STIL: variants seen among roughly 807,000 people sequenced by gnomAD.
STIL encodes the protein SCL-interrupting locus protein.
A neutral mutation model predicts 110.1 loss-of-function variants in STIL; 55 were observed. The observed-to-expected ratio is 0.50, with a 90% CI of 0.40 to 0.63. The LOEUF (loss-of-function observed/expected upper bound fraction) is 0.63, where lower values mean the gene tolerates loss of function less well. Among genes scored for constraint, STIL ranks in the 20% least tolerant of loss-of-function variants. The probability of loss-of-function intolerance (pLI) is 0.00; values close to 1 mark genes in which losing one functional copy is unlikely to be tolerated. For missense variants in STIL, 1,358 were observed against 1,530.0 expected, an observed-to-expected ratio of 0.89 and a Z score of 1.87; for synonymous variants, 481 against 530.0, an observed-to-expected ratio of 0.91 and a Z score of 1.27.
chr1:47,313,545 C>T (rs561065863), intron 1 of STIL, among the ~76,000 whole-genome samples: 1 of 151,998 alleles, frequency 6.6e-6, no homozygotes, highest in Admixed American at 6.6e-5. Flanking sequence ...AAACCCCCGC[C>T]ATCCCTCACA....
intron 12 of STIL, among the ~76,000 whole-genome samples, chr1:47,279,418 T>C (rs1056354487): frequency 4.6e-5 from 7 of 151,600 alleles, no homozygotes; most frequent in African/African-American, 1.5e-4. Flanking sequence ...AGGAACACTG[T>C]TTTGGGGTAG....
chr1:47,251,105 C>T lies in STIL; in HGVS notation c.*31G>A. 1 of 1,603,346 alleles carries T rather than the reference C, an allele frequency of 6.2e-7. No homozygotes were observed. Among genetic ancestry groups the T allele is most frequent in the South Asian group, 1.1e-5 (1 of 89,966 alleles). ...TAAGTATCTTCAGGAGACACCCTGT[C>T]CCTGTATTAAAAGGGCAGGGAGTTA... On this transcript the variant is annotated 3_prime_UTR_variant, in exon 17 of 17. Coordinates refer to ENST00000371877, the MANE Select transcript of STIL (RefSeq NM_001048166.1).
chr1:47,302,552 G>T (rs1417126129), intron 3 of STIL, among the ~76,000 whole-genome samples: 1 of 152,202 alleles, frequency 6.6e-6, no homozygotes, highest in Non-Finnish European at 1.5e-5. Flanking sequence ...AACTATAGTT[G>T]TTCTCCAGGC....
At chr1:47,302,538 C>T (rs1339301886) in intron 3 of STIL, among the ~76,000 whole-genome samples, 192 bp from the exon 4 acceptor site, 1 of 152,202 alleles carries the variant, frequency 6.6e-6, no homozygotes, top group Non-Finnish European at 1.5e-5. Flanking sequence ...TAAACAGACA[C>T]TGAAACTATA....
chr1:47,282,985 A>G (rs1645193130), intron 10 of STIL: 1 of 153,282 alleles, frequency 6.5e-6, no homozygotes, highest in Non-Finnish European at 1.5e-5. Context: ...ATGCCCAGCA[A>G]AACAGAAAAT....
chr1:47,305,027 C>T (rs899155270), intron 2 of STIL, 31 bp from the exon 3 acceptor site: 2 of 1,492,016 alleles, frequency 1.3e-6, no homozygotes, highest in African/African-American at 2.8e-5. Context: ...AATTAAAGCA[C>T]AAGGAATAGC....
chr1:47,255,785 A>G (rs1434918385), intron 16 of STIL, among the ~76,000 whole-genome samples: 1 of 152,172 alleles, frequency 6.6e-6, no homozygotes, highest in Non-Finnish European at 1.5e-5. Flanking sequence ...TTTCCTGCAC[A>G]ATTTCTAGGT....
chr1:47,260,442 T>C lies in STIL; in HGVS notation c.2927A>G (p.Asn976Ser). The C allele has an allele frequency of 6.2e-7, 1 of 1,614,164 alleles. No individual in the cohort carries two copies. Among genetic ancestry groups the C allele is most frequent in the South Asian group, 1.1e-5 (1 of 91,084 alleles). Residue 976 changes from asparagine (N) to serine (S), a missense_variant, in exon 16 of 17, where the codon AAC (asparagine) becomes AGC (serine). By Grantham distance (46) the Asn-to-Ser change is conservative. Transcript: ENST00000371877. ...IISHECTRTQ[N>S]VYHTKKKTHH... ...TGTTTTTTTCTTTGTATGGTAAACG[T>C]TTTGGGTTCTGGTGCATTCATGACT... is the stretch of plus-strand genomic sequence containing the variant.
intron 6 of STIL, among the ~76,000 whole-genome samples, chr1:47,297,978 C>T (rs1645691705): frequency 6.6e-6 from 1 of 152,082 alleles, no homozygotes; most frequent in Admixed American, 6.5e-5. Context: ...TCCCATGCTC[C>T]ACTTGAGAAG....
chr1:47,307,459 C>T (rs1185334343), intron 2 of STIL, among the ~76,000 whole-genome samples: 3 of 152,178 alleles, frequency 2.0e-5, no homozygotes, highest in African/African-American at 7.2e-5. Flanking sequence ...ACTGCAATCT[C>T]TAAACATAAA....
chr1:47,281,413 G>A (rs939320904), intron 11 of STIL, among the ~76,000 whole-genome samples: 2 of 152,036 alleles, frequency 1.3e-5, no homozygotes, highest in Non-Finnish European at 2.9e-5. Flanking sequence ...AATAAACAAG[G>A]TCCTTGCCCT....
chr1:47,258,999 T>TTTTTTTTTTTTC (rs1276293004), intron 16 of STIL, among the ~76,000 whole-genome samples: 1 of 49,956 alleles, frequency 2.0e-5, no homozygotes, highest in Non-Finnish European at 5.1e-5. Flanking sequence ...TTGCTTTTTT[T>TTTTTTTTTTTTC]TTTTTTTGAG....
At chr1:47,299,364 A>G (rs1645735010) in intron 6 of STIL, among the ~76,000 whole-genome samples, 1 of 151,034 alleles carries the variant, frequency 6.6e-6, no homozygotes, top group South Asian at 2.1e-4. Flanking sequence ...GAACTGAGTT[A>G]TCCAGACATT....
In STIL at chr1:47,255,540, C is replaced by T. The variant is rs1439977481; in HGVS notation, c.3081-3618G>A. 3.3e-5 allele frequency among the ~76,000 whole-genome samples: 4 copies of T among 119,946 alleles called. No homozygotes were observed. The South Asian group carries it at 1.5e-3, about 45-fold the overall frequency. The allele number at this position is 119,946 out of a possible 152,430, so 78.7% of individuals were successfully genotyped here. A position where few individuals can be genotyped will look rare whatever the true frequency, so the allele number is the denominator to read the frequency against. On this transcript the variant is annotated intron_variant, in intron 16 of 16. Transcript: ENST00000371877. ...CTGCAGCCTGGGCAACAGAGCGAGACCCTGTCTCTCAAAAAAAAAAAAAAA... is the reference window on the plus strand; with the variant it reads ...CTGCAGCCTGGGCAACAGAGCGAGATCCTGTCTCTCAAAAAAAAAAAAAAA...
chr1:47,275,458 A>G (rs2148912245), intron 12 of STIL, among the ~76,000 whole-genome samples: 1 of 151,990 alleles, frequency 6.6e-6, no homozygotes, highest in East Asian at 1.9e-4. Flanking sequence ...AATACAAAAA[A>G]TTAGCCCGGC....
chr1:47,278,021 C>G (rs964370143), intron 12 of STIL, among the ~76,000 whole-genome samples: 4 of 152,056 alleles, frequency 2.6e-5, no homozygotes, highest in Non-Finnish European at 1.5e-5. Context: ...CTCTCTTAAC[C>G]CTTACACCAA....
At chr1:47,270,670 CTTTT>C (rs542462270) in intron 13 of STIL, among the ~76,000 whole-genome samples, 31 of 94,080 alleles carry the variant, frequency 3.3e-4, no homozygotes, top group African/African-American at 6.1e-4. Flanking sequence ...GTTTCCCAAT[CTTTT>C]TTTTTTTTTT....
intron 10 of STIL, chr1:47,283,359 GA>G (rs1348359904): frequency 6.6e-6 from 1 of 152,222 alleles, no homozygotes; most frequent in Non-Finnish European, 1.5e-5. Context: ...GAAGCAATCA[GA>G]ATGTCTGCAT....
At position 47,269,882 on chromosome 1, in the gene STIL, T is replaced by C. The variant is rs1343106925; in HGVS notation, c.2384-16A>G. The C allele has an allele frequency of 6.3e-7, 1 of 1,594,936 alleles. No homozygotes were observed. Among genetic ancestry groups the C allele is most frequent in the Non-Finnish European group, 8.6e-7 (1 of 1,162,498 alleles). ...AAGCTAGCACCTGGAGGTTAAATAA[T>C]TTAAGATACTGAAACAAACATTCAA... On this transcript the variant is annotated splice_polypyrimidine_tract_variant and intron_variant, in intron 13 of 16. Coordinates refer to ENST00000371877, the MANE Select transcript of STIL (RefSeq NM_001048166.1).
Sources: gnomAD v4.1 joint callset for allele counts (sites outside exome capture counted in the v4.1 genomes callset) on GRCh38, gnomAD v4.1.1 for gene constraint, MANE v1.5 for transcripts, NCBI Gene and HGNC (gene_info 2026-07-23, HGNC 2026-07-21) for gene names.